Variants in SDK1 observed in about 807,000 individuals in gnomAD.
The protein encoded by SDK1 is protein sidekick-1.
Under a neutral mutation model 245.5 loss-of-function variants are expected in SDK1, and 157 were observed. That is an observed-to-expected ratio of 0.64 (90% CI 0.56 to 0.73). The LOEUF (loss-of-function observed/expected upper bound fraction) is 0.73. SDK1 is among the 30% of genes least tolerant of loss of function. The pLI is 0.00. For synonymous variants in SDK1, 1,647 were observed against 1,278.5 expected, an observed-to-expected ratio of 1.29 and a Z score of -6.15; for missense variants, 3,583 against 3,002.3, an observed-to-expected ratio of 1.19 and a Z score of -4.52.
At chr7:3,810,922 A>G (rs933358042) in intron 4 of SDK1, among the ~76,000 whole-genome samples, 1 of 152,228 alleles carries the variant, frequency 6.6e-6, no homozygotes, top group Non-Finnish European at 1.5e-5. Flanking sequence ...TTTAGGTAAT[A>G]GAGGCTTCTG....
chr7:3,934,164 A>C (rs1030542940), intron 5 of SDK1, among the ~76,000 whole-genome samples: 1 of 152,216 alleles, frequency 6.6e-6, no homozygotes, highest in Non-Finnish European at 1.5e-5. Context: ...ACTTCAATTT[A>C]GTCAGGTTTT....
At chr7:4,058,903 C>G (rs1779367125) in intron 19 of SDK1, among the ~76,000 whole-genome samples, 1 of 151,964 alleles carries the variant, frequency 6.6e-6, no homozygotes, top group African/African-American at 2.4e-5. Flanking sequence ...TGAAAATGTA[C>G]AAACGTATAA....
intron 14 of SDK1, among the ~76,000 whole-genome samples, chr7:4,002,346 T>G (rs1311657257): frequency 6.6e-6 from 1 of 152,186 alleles, no homozygotes; most frequent in African/African-American, 2.4e-5. Context: ...TGTCTGGGCT[T>G]TCAAAACTGT....
chr7:3,358,136 G>C (rs984459032), intron 1 of SDK1, among the ~76,000 whole-genome samples: 2 of 151,966 alleles, frequency 1.3e-5, no homozygotes, highest in Admixed American at 1.3e-4. Flanking sequence ...ATTCTCCTGC[G>C]TCAGCTTCCT....
At chr7:3,513,117 A>T (rs1782634052) in intron 1 of SDK1, among the ~76,000 whole-genome samples, 2 of 152,190 alleles carry the variant, frequency 1.3e-5, no homozygotes, top group Admixed American at 1.3e-4. Flanking sequence ...GTTTATATTA[A>T]TAAAAATACT....
chr7:3,969,114 C>T lies in SDK1; in HGVS notation c.1547-143C>T, dbSNP rs1392804471. On this transcript the variant is annotated intron_variant, in intron 10 of 44. Coordinates refer to ENST00000404826, the MANE Select transcript of SDK1 (RefSeq NM_152744.4). ...GTCACCTCCCACCAGATTCCTCCCCCGACGTGGGGATTGCAATTCGAGACG... is the reference window on the plus strand; with the variant it reads ...GTCACCTCCCACCAGATTCCTCCCCTGACGTGGGGATTGCAATTCGAGACG... 19 of 697,118 alleles carry T rather than the reference C, an allele frequency of 2.7e-5. 1 individual carries two copies. Among genetic ancestry groups the T allele is most frequent in the Admixed American group, 8.5e-5 (3 of 35,172 alleles). 43.2% of individuals were successfully genotyped at this position (697,118 alleles called of 1,614,324 possible).
chr7:3,595,303 A>G (rs910376302), intron 1 of SDK1, among the ~76,000 whole-genome samples: 1 of 152,096 alleles, frequency 6.6e-6, no homozygotes, highest in Non-Finnish European at 1.5e-5. Flanking sequence ...CTTGTAAAAA[A>G]TTATATATAA....
intron 20 of SDK1, among the ~76,000 whole-genome samples, chr7:4,074,254 G>C (rs981189343): frequency 6.6e-6 from 1 of 152,190 alleles, no homozygotes; most frequent in Non-Finnish European, 1.5e-5. Context: ...AGGCTGAGAA[G>C]CAGGCATTTG....
chr7:3,491,332 C>T (rs754323319), intron 1 of SDK1, among the ~76,000 whole-genome samples: 3 of 152,194 alleles, frequency 2.0e-5, no homozygotes, highest in Middle Eastern at 3.2e-3. Context: ...CAACCATTTA[C>T]ATCAGAGCAT....
intron 1 of SDK1, among the ~76,000 whole-genome samples, chr7:3,359,021 T>C (rs539805074): frequency 6.6e-6 from 1 of 152,308 alleles, no homozygotes; most frequent in South Asian, 2.1e-4. Flanking sequence ...GTTATGCTGG[T>C]TTCCTCAGGG....
At chr7:3,811,430 A>G (rs1245531618) in intron 4 of SDK1, among the ~76,000 whole-genome samples, 1 of 152,194 alleles carries the variant, frequency 6.6e-6, no homozygotes, top group African/African-American at 2.4e-5. Flanking sequence ...TGCAGACCAC[A>G]TTAGATTTTA....
At chr7:3,481,330 G>T (rs1397572103) in intron 1 of SDK1, among the ~76,000 whole-genome samples, 1 of 152,186 alleles carries the variant, frequency 6.6e-6, no homozygotes, top group African/African-American at 2.4e-5. Flanking sequence ...TCATCTGACT[G>T]TAGTGACTGC....
intron 1 of SDK1, among the ~76,000 whole-genome samples, chr7:3,578,566 G>T (rs886191527): frequency 6.6e-6 from 1 of 151,906 alleles, no homozygotes. Context: ...GTGTATTTCA[G>T]TCCTTATCTC....
chr7:3,855,396 G>A (rs2115108822), intron 5 of SDK1, among the ~76,000 whole-genome samples: 1 of 152,154 alleles, frequency 6.6e-6, no homozygotes, highest in South Asian at 2.1e-4. Context: ...TTTTAGGAGA[G>A]GTGCAAGAAC....
Position 4,075,281 on chromosome 7 carries a change from C to G in SDK1, c.3011-1717C>G, listed in dbSNP as rs376477930. Among the ~76,000 whole-genome samples the G allele has an allele frequency of 1.2e-4, 18 of 152,282 alleles. No homozygotes were observed. In the South Asian group the frequency reaches 3.3e-3, roughly 28 times the overall value. On this transcript the variant is annotated intron_variant, in intron 20 of 44. Coordinates refer to ENST00000404826, the MANE Select transcript of SDK1 (RefSeq NM_152744.4). The stretch of plus-strand genomic sequence containing the variant: ...CCCCTCAGCCCGCACACAGAAGCTG[C>G]CAGGCTGTACGGGGCCTGTGGCACG...
chr7:3,308,046 C>A (rs909953923), intron 1 of SDK1, among the ~76,000 whole-genome samples: 1 of 152,092 alleles, frequency 6.6e-6, no homozygotes, highest in Non-Finnish European at 1.5e-5. Context: ...AGTATTTCTC[C>A]TTAGGTGCTG....
At chr7:3,565,618 A>T (rs970530420) in intron 1 of SDK1, among the ~76,000 whole-genome samples, 6 of 152,298 alleles carry the variant, frequency 3.9e-5, no homozygotes, top group Admixed American at 3.9e-4. Flanking sequence ...TCTGGAGGGG[A>T]GTGGTTCTGG....
intron 1 of SDK1, among the ~76,000 whole-genome samples, chr7:3,538,097 C>A (rs149255304): frequency 6.6e-6 from 1 of 152,196 alleles, no homozygotes; most frequent in Non-Finnish European, 1.5e-5. Context: ...GGCCTTAGTC[C>A]CCACATTATA....
chr7:3,668,657 G>T (rs941152266), intron 4 of SDK1, among the ~76,000 whole-genome samples: 2 of 152,252 alleles, frequency 1.3e-5, no homozygotes, highest in African/African-American at 4.8e-5. Flanking sequence ...CGAGTGTGGT[G>T]GTGTGCACCT....
Sources: gnomAD v4.1 joint callset for allele counts (sites outside exome capture counted in the v4.1 genomes callset) on GRCh38, gnomAD v4.1.1 for gene constraint, MANE v1.5 for transcripts, NCBI Gene and HGNC (gene_info 2026-07-23, HGNC 2026-07-21) for gene names.